The following HECTD3 variants were observed in gnomAD, a reference collection of about 807,000 sequenced individuals.
HECTD3 encodes the protein HECT domain E3 ubiquitin protein ligase 3.
HECTD3 carries 72 observed loss-of-function variants against 109.3 expected under a neutral mutation model. The observed-to-expected ratio is 0.66, with a 90% confidence interval of 0.54 to 0.80. The LOEUF is 0.80. Ranked by LOEUF, HECTD3 falls within the 30% of genes least tolerant of loss-of-function variation. The pLI is 0.00. For missense variants in HECTD3, 1,041 were observed against 1,165.2 expected (o/e 0.89, Z 1.55); for synonymous variants, 481 against 471.8 (o/e 1.02, Z -0.25).
At chr1:45,009,262 C>T in intron 6 of HECTD3, 36 bp from the exon 7 acceptor site, 1 of 1,571,392 alleles carries the variant, frequency 6.4e-7, no homozygotes, top group Middle Eastern at 1.7e-4. Flanking sequence ...CAGATACCTC[C>T]TGCCTCAGGC....
chr1:45,007,595 G>A lies in HECTD3; in HGVS notation c.1321C>T (p.Gln441Ter), dbSNP rs754515053. The change falls in exon 10 of 21, where the codon CAA becomes TAA. Residue 441 changes from glutamine to a stop codon, truncating the protein, a stop_gained and splice_region_variant. Transcript: ENST00000372172. LOFTEE classifies it high-confidence loss of function. ...HTLGTFSEIK[Q>*]VKQFLLLSRQ... ...GACAGCAGTAGGAACTGCTTCACTT[G>A]CTAGTGAGGAGAGGTGGCCAGAGCA... is the stretch of plus-strand genomic sequence containing the variant. 4.4e-6 allele frequency: 7 copies of A among 1,607,488 alleles called. No homozygotes were observed. Among genetic ancestry groups the A allele is most frequent in the Non-Finnish European group, 5.9e-6 (7 of 1,179,726 alleles).
intron 2 of HECTD3, 88 bp from the exon 3 acceptor site, chr1:45,010,381 C>G: frequency 6.8e-7 from 1 of 1,473,320 alleles, no homozygotes; most frequent in African/African-American, 1.4e-5. Context: ...CTTCAGGGCT[C>G]TATCTCCCAG....
chr1:45,007,454 G>A lies in HECTD3; in HGVS notation c.1462C>T (p.Pro488Ser). 1.9e-6 allele frequency: 3 copies of A among 1,614,136 alleles called. No individual in the cohort carries two copies. Among genetic ancestry groups the A allele is most frequent in the South Asian group, 1.1e-5 (1 of 91,078 alleles). The change falls in exon 10 of 21, where the codon CCC becomes TCC. Residue 488 changes from proline (P) to serine (S), a missense_variant. Pro to Ser is a moderately conservative substitution (Grantham distance 74). Around this residue, in one of 2 missense-constraint regions of HECTD3, gnomAD observed 569 missense variants for 715.3 expected, o/e 0.80. Coordinates refer to ENST00000372172, the MANE Select transcript of HECTD3 (RefSeq NM_024602.6). ...TTCTTGCAGGCAGGGTCTCGAGAGGGGCAGGCACGGTGTTCCATGGCAAGA... is the reference window on the plus strand; with the variant it reads ...TTCTTGCAGGCAGGGTCTCGAGAGGAGCAGGCACGGTGTTCCATGGCAAGA... ...RRLAMEHRACPSRDPACKNAV... is the reference protein window; with the variant it reads ...RRLAMEHRACSSRDPACKNAV...
intron 7 of HECTD3, 68 bp from the exon 8 acceptor site, chr1:45,008,769 C>A: frequency 6.7e-7 from 1 of 1,492,072 alleles, no homozygotes; most frequent in Non-Finnish European, 9.2e-7. Flanking sequence ...AGACCTGGGA[C>A]CGGCTCCTTG....
Position 45,003,488 on chromosome 1 carries a change from C to G in HECTD3, c.*4G>C, listed in dbSNP as rs767740586. 1 of 1,613,698 alleles carries G rather than the reference C, an allele frequency of 6.2e-7. No individual in the cohort carries two copies. The highest frequency in any genetic ancestry group is 8.5e-7 in the Non-Finnish European group (1 of 1,179,600). On this transcript the variant is annotated 3_prime_UTR_variant, in exon 21 of 21. Transcript: ENST00000372172. The surrounding 1 kb of genome is among the most constrained non-coding windows in gnomAD (Gnocchi z 4.7). ...CTTGCTGGTCCCACAGCCGGCGGCA[C>G]GCCTCACTCCTCCCAAGGGCTCATG...
intron 2 of HECTD3, 64 bp downstream of exon 2, chr1:45,010,482 A>T (rs996444983): frequency 6.3e-7 from 1 of 1,596,104 alleles, no homozygotes; most frequent in African/African-American, 1.3e-5. Context: ...CTGTGGCTGA[A>T]GTGTTCCCAA....
At chr1:45,010,729 G>A (rs1259941572) in intron 1 of HECTD3, 23 bp from the exon 2 acceptor site, 1 of 1,529,842 alleles carries the variant, frequency 6.5e-7, no homozygotes, top group Admixed American at 2.0e-5. Context: ...GTAGGATGGG[G>A]ACAGCCGTCA....
In HECTD3 at chr1:45,004,146, A is replaced by G. The variant is rs1430619310; in HGVS notation, c.2273-12T>C. 2.5e-6 allele frequency: 4 copies of G among 1,614,154 alleles called. No homozygotes were observed. Among genetic ancestry groups the G allele is most frequent in the Non-Finnish European group, 1.7e-6 (2 of 1,180,020 alleles). ...GTCCTCAAACCGGGCTGGTGGAGAC[A>G]AGGCCAGCATTCATTCTTGGGTCTC... On this transcript the variant is annotated splice_polypyrimidine_tract_variant and intron_variant, in intron 17 of 20. Coordinates refer to ENST00000372172, the MANE Select transcript of HECTD3 (RefSeq NM_024602.6).
chr1:45,010,113 G>A lies in HECTD3; in HGVS notation c.632C>T (p.Pro211Leu), dbSNP rs1644771248. 2 of 1,607,922 alleles carry A rather than the reference G, an allele frequency of 1.2e-6. No individual in the cohort carries two copies. Among genetic ancestry groups the A allele is most frequent in the Non-Finnish European group, 1.7e-6 (2 of 1,175,082 alleles). Residue 211 changes from proline to leucine, a missense_variant, in exon 4 of 21, where the codon CCC becomes CTC. This residue lies in a region of HECTD3 where 472 missense variants were observed against 449.9 expected (regional missense o/e 1.05). Coordinates refer to ENST00000372172, the MANE Select transcript of HECTD3 (RefSeq NM_024602.6). ...GTCGCACTCGTAGGTCCATGTCGGG[G>A]GTACATAGCTAAGCAACCCCAAGCC... ...AEAVQRLLYV[P>L]PTWTYECDED...
Position 45,006,293 on chromosome 1 carries a change from C to A in HECTD3, c.1726-177G>T. 1 of 668,700 alleles carries A rather than the reference C, an allele frequency of 1.5e-6. No individual in the cohort carries two copies. Among genetic ancestry groups the A allele is most frequent in the Non-Finnish European group, 2.5e-6 (1 of 405,460 alleles). The allele number at this position is 668,700 out of a possible 1,614,324, so 41.4% of individuals were successfully genotyped here. A position where few individuals can be genotyped will look rare whatever the true frequency, so the allele number is the denominator to read the frequency against. The stretch of plus-strand genomic sequence containing the variant: ...GTTGCCCTGAGCAACTCAGTCCCTC[C>A]TCTGCCCTATTTCTATTTTTTTTTT... On this transcript the variant is annotated intron_variant, in intron 13 of 20. Coordinates refer to ENST00000372172, the MANE Select transcript of HECTD3 (RefSeq NM_024602.6). The surrounding 1 kb of genome is among the most constrained non-coding windows in gnomAD (Gnocchi z 4.7).
rs1247212162 is a variant in HECTD3 at position 45,003,746 on chromosome 1, G to A, written c.2430-6C>T. 2 of 1,613,862 alleles carry A rather than the reference G, an allele frequency of 1.2e-6. No individual in the cohort carries two copies. Among genetic ancestry groups the A allele is most frequent in the Non-Finnish European group, 1.7e-6 (2 of 1,179,968 alleles). On this transcript the variant is annotated splice_region_variant and splice_polypyrimidine_tract_variant and intron_variant, in intron 19 of 20. Transcript: ENST00000372172. The surrounding 1 kb of genome is among the most constrained non-coding windows in gnomAD (Gnocchi z 4.7). Reference sequence around the variant, plus strand: ...GCGCGTCTGTGGTCTCGTAGCTGGGGGCATTGAGGGACCATAGGTCAGGAA... The same window carrying A: ...GCGCGTCTGTGGTCTCGTAGCTGGGAGCATTGAGGGACCATAGGTCAGGAA...
chr1:45,009,093 C>A (rs780590995), intron 7 of HECTD3, 51 bp downstream of exon 7: 3 of 1,389,738 alleles, frequency 2.2e-6, no homozygotes, highest in African/African-American at 2.8e-5. Context: ...CTCTGTTTGC[C>A]CCCATCTCCA....
Position 45,009,980 on chromosome 1 carries a change from A to G in HECTD3, c.759+6T>C. 2 of 1,524,658 alleles carry G rather than the reference A, an allele frequency of 1.3e-6. No homozygotes were observed. Among genetic ancestry groups the G allele is most frequent in the Non-Finnish European group, 1.8e-6 (2 of 1,134,622 alleles). The allele number at this position is 1,524,658 out of a possible 1,614,324, so 94.4% of individuals were successfully genotyped here. A position where few individuals can be genotyped will look rare whatever the true frequency, so the allele number is the denominator to read the frequency against. Reference sequence around the variant, plus strand: ...TGCCTGGGGTGGGAGGAGCCCCAGCACCCACCGTGTAGGAGGAAACGTCTA... The same window carrying G: ...TGCCTGGGGTGGGAGGAGCCCCAGCGCCCACCGTGTAGGAGGAAACGTCTA... On this transcript the variant is annotated splice_donor_region_variant and intron_variant, in intron 4 of 20. Coordinates refer to ENST00000372172, the MANE Select transcript of HECTD3 (RefSeq NM_024602.6).
Position 45,010,006 on chromosome 1 carries a change from T to C in HECTD3, c.739A>G (p.Ile247Val). The change falls in exon 4 of 21, where the codon ATA (isoleucine) becomes GTA (valine). Residue 247 changes from isoleucine (I) to valine (V), a missense_variant. This residue lies in a region of HECTD3 where 472 missense variants were observed against 449.9 expected (regional missense o/e 1.05). Transcript: ENST00000372172. Reference sequence around the variant, plus strand: ...CCCACCGTGTAGGAGGAAACGTCTATGCTCTCCACATACTGCTTCACGCTA... The same window carrying C: ...CCCACCGTGTAGGAGGAAACGTCTACGCTCTCCACATACTGCTTCACGCTA... ...LGSVKQYVES[I>V]DVSSYTEEFN... The C allele has an allele frequency of 1.3e-6, 2 of 1,542,038 alleles. No individual in the cohort carries two copies. Among genetic ancestry groups the C allele is most frequent in the South Asian group, 1.2e-5 (1 of 80,364 alleles).
intron 1 of HECTD3, 50 bp from the exon 2 acceptor site, chr1:45,010,756 C>G (rs764462041): frequency 6.6e-7 from 1 of 1,519,270 alleles, no homozygotes; most frequent in Non-Finnish European, 8.8e-7. Flanking sequence ...TGCCCAGCCG[C>G]CTGTCGTGCC....
intron 8 of HECTD3, 94 bp downstream of exon 8, chr1:45,008,442 T>C: frequency 1.3e-6 from 2 of 1,509,352 alleles, no homozygotes; most frequent in South Asian, 2.3e-5. Flanking sequence ...TTGAACAGCT[T>C]ATACTATGAG....
intron 15 of HECTD3, 140 bp from the exon 16 acceptor site, chr1:45,004,946 A>T (rs908788077): frequency 2.7e-6 from 2 of 731,898 alleles, no homozygotes; most frequent in Admixed American, 2.1e-5. Flanking sequence ...GGGTGTCAGT[A>T]CAAGAGCTGT....
chr1:45,008,179 T>G, intron 9 of HECTD3, 61 bp downstream of exon 9: 1 of 1,342,648 alleles, frequency 7.4e-7, no homozygotes, highest in Non-Finnish European at 1.1e-6. Context: ...TGCTAAGGAA[T>G]GAACAACTAC....
intron 15 of HECTD3, chr1:45,005,509 G>A (rs2148976561): frequency 6.1e-6 from 2 of 325,294 alleles, no homozygotes; most frequent in South Asian, 2.0e-4. Flanking sequence ...GCCCTAGAGG[G>A]GAGTAGTCTT....
Sources: allele counts gnomAD v4.1 joint callset, GRCh38; gene constraint gnomAD v4.1.1; regional missense constraint gnomAD v4.1.1; non-coding constraint Gnocchi (gnomAD v3.1); transcripts MANE v1.5; gene names NCBI Gene and HGNC (gene_info 2026-07-23, HGNC 2026-07-21).